The following CMSS1 variants were observed in gnomAD, a reference collection of about 807,000 sequenced individuals.
The protein encoded by CMSS1 is cms1 ribosomal small subunit homolog.
A neutral mutation model predicts 43.5 loss-of-function variants in CMSS1; 33 were observed. That is an observed-to-expected ratio of 0.76 (90% CI 0.57 to 1.01). The LOEUF (loss-of-function observed/expected upper bound fraction) is 1.01. Ranked by LOEUF, CMSS1 falls within the 50% of genes least tolerant of loss-of-function variation. CMSS1 has a pLI of 0.00. For synonymous variants in CMSS1, 115 were observed against 117.2 expected, an observed-to-expected ratio of 0.98 and a Z score of 0.12; for missense variants, 313 against 326.4, an observed-to-expected ratio of 0.96 and a Z score of 0.32.
intron 1 of CMSS1, among the ~76,000 whole-genome samples, chr3:99,943,224 T>C (rs2107678897): frequency 6.6e-6 from 1 of 152,308 alleles, no homozygotes; most frequent in East Asian, 1.9e-4. Flanking sequence ...GAACCAATTA[T>C]GACATTAAAA....
At chr3:100,097,245 C>G (rs1197968766) in intron 1 of CMSS1, among the ~76,000 whole-genome samples, 1 of 152,204 alleles carries the variant, frequency 6.6e-6, no homozygotes, top group African/African-American at 2.4e-5. Flanking sequence ...AACCACCAAC[C>G]ATCCCATCCG....
intron 1 of CMSS1, among the ~76,000 whole-genome samples, chr3:99,826,922 C>T (rs1043812418): frequency 1.1e-4 from 16 of 152,146 alleles, no homozygotes; most frequent in African/African-American, 3.9e-4. Context: ...TGAAACAGTT[C>T]ATCAGGTGAA....
chr3:99,887,408 A>T (rs1281823946), intron 1 of CMSS1, among the ~76,000 whole-genome samples: 1 of 152,206 alleles, frequency 6.6e-6, no homozygotes, highest in Non-Finnish European at 1.5e-5. Context: ...TACTATAGTC[A>T]TTGGTTGGCT....
intron 1 of CMSS1, among the ~76,000 whole-genome samples, chr3:100,026,555 TCTC>T (rs2064925815): frequency 6.6e-6 from 1 of 152,012 alleles, no homozygotes; most frequent in Non-Finnish European, 1.5e-5. Flanking sequence ...TTAAATTAAA[TCTC>T]CTGATTTTAA....
rs114752138 is a variant in CMSS1 at position 99,916,203 on chromosome 3, G to A, written c.64+98160G>A. Among the ~76,000 whole-genome samples, 696 of 152,286 alleles carry A rather than the reference G, an allele frequency of 4.6e-3. 2 individuals are homozygous for A. The highest frequency in any genetic ancestry group is 6.8e-3 in the South Asian group (33 of 4,826). ...GCCAGAATGGAACAGAAAGCTGAAGGCAGGTTGAATTAACTGCCTGGGTTA... is the reference window on the plus strand; with the variant it reads ...GCCAGAATGGAACAGAAAGCTGAAGACAGGTTGAATTAACTGCCTGGGTTA... On this transcript the variant is annotated intron_variant, in intron 1 of 9. Coordinates refer to ENST00000421999, the MANE Select transcript of CMSS1 (RefSeq NM_032359.4).
chr3:100,119,575 C>T (rs2066603089), intron 1 of CMSS1, among the ~76,000 whole-genome samples: 1 of 152,246 alleles, frequency 6.6e-6, no homozygotes, highest in African/African-American at 2.4e-5. Context: ...ATACACAACA[C>T]ATCATAGAAT....
At chr3:99,957,820 T>G (rs576615955) in intron 1 of CMSS1, among the ~76,000 whole-genome samples, 1 of 150,822 alleles carries the variant, frequency 6.6e-6, no homozygotes, top group South Asian at 2.1e-4. Context: ...ATAGCTTGTT[T>G]TTAGTTCTTA....
chr3:100,155,290 A>G (rs2066961733), intron 2 of CMSS1, among the ~76,000 whole-genome samples: 1 of 152,238 alleles, frequency 6.6e-6, no homozygotes, highest in African/African-American at 2.4e-5. Flanking sequence ...ACTGAGAGAA[A>G]GAAGCTATAA....
chr3:100,005,700 A>G (rs965065278), intron 1 of CMSS1, among the ~76,000 whole-genome samples: 5 of 152,250 alleles, frequency 3.3e-5, no homozygotes, highest in Non-Finnish European at 7.3e-5. Flanking sequence ...ATCTAAATAC[A>G]AGGCACACAG....
intron 1 of CMSS1, among the ~76,000 whole-genome samples, chr3:99,917,344 TTG>T (rs778104130): frequency 4.6e-5 from 7 of 152,164 alleles, no homozygotes; most frequent in Non-Finnish European, 7.3e-5. Flanking sequence ...TGTATTTTAG[TTG>T]TGTGTAAAAT....
intron 1 of CMSS1, among the ~76,000 whole-genome samples, chr3:99,961,324 T>C (rs1708483592): frequency 6.6e-6 from 1 of 152,202 alleles, no homozygotes; most frequent in Non-Finnish European, 1.5e-5. Context: ...CTGAGTATTT[T>C]TTTAACCCCA....
intron 1 of CMSS1, among the ~76,000 whole-genome samples, chr3:100,057,428 A>C (rs554913517): frequency 2.6e-5 from 4 of 152,300 alleles, no homozygotes; most frequent in Admixed American, 2.6e-4. Flanking sequence ...AAGCTATAGA[A>C]TCTGCTTATA....
chr3:99,868,589 C>T (rs1171912232), intron 1 of CMSS1, among the ~76,000 whole-genome samples: 2 of 152,212 alleles, frequency 1.3e-5, no homozygotes, highest in African/African-American at 2.4e-5. Flanking sequence ...AAGCTGCCTT[C>T]CTTTCTGCAT....
chr3:99,831,867 T>A (rs1942679623), intron 1 of CMSS1, among the ~76,000 whole-genome samples: 1 of 152,252 alleles, frequency 6.6e-6, no homozygotes, highest in African/African-American at 2.4e-5. Flanking sequence ...GCTGCCATAA[T>A]TGAACTTCCT....
intron 1 of CMSS1, among the ~76,000 whole-genome samples, chr3:99,876,795 A>G (rs1223241084): frequency 3.9e-5 from 6 of 152,148 alleles, no homozygotes; most frequent in African/African-American, 1.4e-4. Context: ...TTCCTGAAAG[A>G]ACTTCCTCTT....
At chr3:100,129,304 T>C (rs2066688239) in intron 1 of CMSS1, among the ~76,000 whole-genome samples, 1 of 152,202 alleles carries the variant, frequency 6.6e-6, no homozygotes, top group Non-Finnish European at 1.5e-5. Flanking sequence ...TGAATGAATG[T>C]CCATGTGGCC....
chr3:100,044,327 A>C (rs1043197381), intron 1 of CMSS1, among the ~76,000 whole-genome samples: 6 of 152,240 alleles, frequency 3.9e-5, no homozygotes, highest in Non-Finnish European at 8.8e-5. Flanking sequence ...TGAAAAATAA[A>C]TATTTAAATA....
intron 1 of CMSS1, among the ~76,000 whole-genome samples, chr3:99,972,272 A>G (rs1178934029): frequency 6.6e-6 from 1 of 152,206 alleles, no homozygotes; most frequent in East Asian, 1.9e-4. Context: ...GACCCAATAG[A>G]GTACCCTAGT....
intron 1 of CMSS1, among the ~76,000 whole-genome samples, chr3:99,998,279 G>C (rs1709739674): frequency 6.6e-6 from 1 of 152,124 alleles, no homozygotes; most frequent in East Asian, 1.9e-4. Flanking sequence ...CCCTAATTTA[G>C]ATCTGAAAAT....
Sources: gnomAD v4.1 joint callset for allele counts (sites outside exome capture counted in the v4.1 genomes callset) on GRCh38, gnomAD v4.1.1 for gene constraint, MANE v1.5 for transcripts, NCBI Gene and HGNC (gene_info 2026-07-23, HGNC 2026-07-21) for gene names.